TTLL4: variants seen among roughly 807,000 people sequenced by gnomAD.
The protein encoded by TTLL4 is tubulin monoglutamylase TTLL4.
A neutral mutation model predicts 122.7 loss-of-function variants in TTLL4; 85 were observed. The ratio of observed to expected loss-of-function variants is 0.69; its 90% CI spans 0.58 to 0.83. TTLL4 has a LOEUF of 0.83. Ranked by LOEUF, TTLL4 falls within the 40% of genes least tolerant of loss-of-function variation. The probability of loss-of-function intolerance (pLI) is 0.00; values close to 1 mark genes in which losing one functional copy is unlikely to be tolerated. For missense variants in TTLL4, 1,363 were observed against 1,488.6 expected, an observed-to-expected ratio of 0.92 and a Z score of 1.39; for synonymous variants, 553 against 563.0, an observed-to-expected ratio of 0.98 and a Z score of 0.25.
intron 2 of TTLL4, among the ~76,000 whole-genome samples, chr2:218,727,648 A>C (rs1407894289): frequency 6.6e-6 from 1 of 152,172 alleles, no homozygotes; most frequent in Non-Finnish European, 1.5e-5. Flanking sequence ...AGGCTGAGGC[A>C]GGATAATGGT....
rs1385289299 is a variant in TTLL4, at chr2:218,740,054, T to C, written c.1488-4T>C. The C allele has an allele frequency of 6.2e-7, 1 of 1,613,816 alleles. No homozygotes were observed. The highest frequency in any genetic ancestry group is 8.5e-7 in the Non-Finnish European group (1 of 1,179,778). On this transcript the variant is annotated splice_polypyrimidine_tract_variant and splice_region_variant and intron_variant, in intron 3 of 19. Transcript: ENST00000392102. ...TAGGCTGGGGGCATGATTCTTTCTT[T>C]TAGTTCAGCTACTGACCTCCAGCCA...
At chr2:218,718,491 G>T (rs1426872396) in intron 1 of TTLL4, among the ~76,000 whole-genome samples, 1 of 151,708 alleles carries the variant, frequency 6.6e-6, no homozygotes, top group Non-Finnish European at 1.5e-5. Flanking sequence ...CGATTCTCCT[G>T]CCTCCACCTC....
At chr2:218,734,561 G>C (rs1243887611) in intron 2 of TTLL4, among the ~76,000 whole-genome samples, 2 of 152,190 alleles carry the variant, frequency 1.3e-5, no homozygotes, top group Non-Finnish European at 2.9e-5. Flanking sequence ...GATTTTTTAA[G>C]TTGGGTGAAG....
chr2:218,745,583 T>A, intron 6 of TTLL4, 108 bp from the exon 7 acceptor site: 1 of 768,924 alleles, frequency 1.3e-6, no homozygotes, highest in South Asian at 1.6e-5. Context: ...AGTTAGTGAC[T>A]TGCCTGCCCA....
chr2:218,756,033 T>A (rs1368500032), downstream of TTLL4, among the ~76,000 whole-genome samples: 2 of 152,304 alleles, frequency 1.3e-5, no homozygotes, highest in African/African-American at 2.4e-5. Context: ...TCCTATTGGA[T>A]CTTTTCTGAT....
Position 218,735,967 on chromosome 2 carries a change from C to CTTTT in TTLL4, c.-98-1592_-98-1589dup, listed in dbSNP as rs765207077. Among the ~76,000 whole-genome samples the CTTTT allele has an allele frequency of 3.8e-3, 305 of 79,940 alleles. 2 individuals carry two copies. Among genetic ancestry groups the CTTTT allele is most frequent in the Middle Eastern group, 0.012 (1 of 82 alleles). 52.4% of individuals were successfully genotyped at this position (79,940 alleles called of 152,430 possible). On this transcript the variant is annotated intron_variant, in intron 2 of 19. Transcript: ENST00000392102. ...TACAGATGTAGCCACCGTGCCCAGC[C>CTTTT]TTTTTTTTTTTTTTTTTTTTTTTGT... is the stretch of plus-strand genomic sequence containing the variant.
chr2:218,727,040 C>T (rs1417457363), intron 1 of TTLL4, among the ~76,000 whole-genome samples: 2 of 151,996 alleles, frequency 1.3e-5, no homozygotes, highest in African/African-American at 2.4e-5. Context: ...AGCTCCAGAC[C>T]TCAAATGATC....
intron 2 of TTLL4, among the ~76,000 whole-genome samples, chr2:218,731,350 G>A (rs999403234): frequency 2.0e-4 from 30 of 151,804 alleles, no homozygotes; most frequent in African/African-American, 6.1e-4. Context: ...GGCAGAGGTT[G>A]CAGTGAGCCA....
At chr2:218,757,497 G>A (rs1439739860), downstream of TTLL4, among the ~76,000 whole-genome samples, 1 of 152,214 alleles carries the variant, frequency 6.6e-6, no homozygotes, top group Non-Finnish European at 1.5e-5. Flanking sequence ...GAAAAGAAGG[G>A]GAAAGCAAGC....
At chr2:218,740,446 A>C in intron 4 of TTLL4, 75 bp from the exon 5 acceptor site, 1 of 1,494,818 alleles carries the variant, frequency 6.7e-7, no homozygotes, top group South Asian at 1.1e-5. Context: ...ATATTCAAGG[A>C]AGAGTTGCCT....
chr2:218,759,285 C>A (rs1015733879), downstream of TTLL4, among the ~76,000 whole-genome samples: 9 of 152,030 alleles, frequency 5.9e-5, no homozygotes, highest in Non-Finnish European at 1.3e-4. Context: ...TGCTGTGGCT[C>A]ACGCCTGTAA....
At chr2:218,740,383 G>A (rs1036637337) in intron 4 of TTLL4, 138 bp from the exon 5 acceptor site, 2 of 995,200 alleles carry the variant, frequency 2.0e-6, no homozygotes, top group African/African-American at 1.6e-5. Flanking sequence ...GAGGAAGGCA[G>A]TGCAAAGCAG....
chr2:218,740,147 A>G lies in TTLL4; in HGVS notation c.1577A>G (p.Asp526Gly). Reference sequence around the variant, plus strand: ...GGTTTGGAAGACTGTTGTAGCCGTGATGAGAATGAAGAGGAGGAGGGTGAG... The same window carrying G: ...GGTTTGGAAGACTGTTGTAGCCGTGGTGAGAATGAAGAGGAGGAGGGTGAG... ...VDGLEDCCSR[D>G]ENEEEEGDSE... Residue 526 changes from aspartate (D) to glycine (G), a missense_variant, in exon 4 of 20, where the codon GAT (aspartate) becomes GGT (glycine). Asp to Gly is a moderately conservative substitution (Grantham distance 94). Transcript: ENST00000392102. 6.2e-7 allele frequency: 1 copy of G among 1,614,208 alleles called. No homozygotes were observed. The highest frequency in any genetic ancestry group is 8.5e-7 in the Non-Finnish European group (1 of 1,180,038).
At chr2:218,736,865 T>TC (rs1942539775) in intron 2 of TTLL4, among the ~76,000 whole-genome samples, 2 of 151,634 alleles carry the variant, frequency 1.3e-5, no homozygotes, top group East Asian at 1.9e-4. Flanking sequence ...TTTTTTTTTT[T>TC]CTGAGATGGG....
intron 1 of TTLL4, among the ~76,000 whole-genome samples, chr2:218,713,178 G>A (rs1247513009): frequency 6.6e-6 from 1 of 152,038 alleles, no homozygotes; most frequent in Non-Finnish European, 1.5e-5. Flanking sequence ...CCAGGAATTC[G>A]AGACCAGCCT....
intron 2 of TTLL4, among the ~76,000 whole-genome samples, chr2:218,733,479 A>G (rs1407734681): frequency 1.3e-5 from 2 of 152,174 alleles, no homozygotes; most frequent in Non-Finnish European, 2.9e-5. Flanking sequence ...GCAAGGGGGA[A>G]ATCCGCCTCC....
In TTLL4 at chr2:218,747,263, C is replaced by T. The variant is rs763536671; in HGVS notation, c.2167-27C>T. Reference sequence around the variant, plus strand: ...GAACAACAGAGTATTGGACCTGGAGCAAATCTCATCTCCTTTCTGCTCCTA... The same window carrying T: ...GAACAACAGAGTATTGGACCTGGAGTAAATCTCATCTCCTTTCTGCTCCTA... On this transcript the variant is annotated intron_variant, in intron 9 of 19. Transcript: ENST00000392102. The surrounding 1 kb of genome is among the most constrained non-coding windows in gnomAD (Gnocchi z 4.7). The T allele has an allele frequency of 7.4e-6, 12 of 1,614,098 alleles. No individual in the cohort carries two copies. In the South Asian group the frequency reaches 1.3e-4, roughly 18 times the overall value.
intron 2 of TTLL4, among the ~76,000 whole-genome samples, chr2:218,729,165 C>T (rs1192129716): frequency 6.6e-6 from 1 of 152,036 alleles, no homozygotes; most frequent in East Asian, 1.9e-4. Context: ...AACTCCTGGC[C>T]TCAGGTGATC....
At chr2:218,732,754 G>T (rs1205488594) in intron 2 of TTLL4, among the ~76,000 whole-genome samples, 2 of 152,176 alleles carry the variant, frequency 1.3e-5, no homozygotes, top group Admixed American at 1.3e-4. Flanking sequence ...CAGTGATTGG[G>T]GGTCTGGGAC....
Sources: gnomAD v4.1 joint callset for allele counts (sites outside exome capture counted in the v4.1 genomes callset) on GRCh38, gnomAD v4.1.1 for gene constraint, Gnocchi (gnomAD v3.1) non-coding constraint, MANE v1.5 for transcripts, NCBI Gene and HGNC (gene_info 2026-07-23, HGNC 2026-07-21) for gene names.